The following SPATA16 variants were observed in gnomAD, a reference collection of about 807,000 sequenced individuals.
The protein encoded by SPATA16 is spermatogenesis-associated protein 16.
Under a neutral mutation model 63.3 loss-of-function variants are expected in SPATA16, and 36 were observed. The observed-to-expected ratio is 0.57, with a 90% CI of 0.44 to 0.75. The LOEUF is 0.75. Ranked by LOEUF, SPATA16 falls within the 30% of genes least tolerant of loss-of-function variation. SPATA16 has a pLI of 0.00. For missense variants in SPATA16, 646 were observed against 679.3 expected (o/e 0.95, Z 0.54); for synonymous variants, 203 against 216.7 (o/e 0.94, Z 0.56).
intron 1 of SPATA16, among the ~76,000 whole-genome samples, chr3:173,126,770 C>T (rs1264685321): frequency 6.6e-6 from 1 of 152,146 alleles, no homozygotes; most frequent in Non-Finnish European, 1.5e-5. Flanking sequence ...CATAATAAAT[C>T]AGTGCTTTTA....
intron 2 of SPATA16, among the ~76,000 whole-genome samples, chr3:173,072,057 T>C (rs1240531846): frequency 2.0e-5 from 3 of 152,196 alleles, no homozygotes; most frequent in East Asian, 3.9e-4. Context: ...GCAATCCCAT[T>C]ACTGGATATG....
intron 2 of SPATA16, among the ~76,000 whole-genome samples, chr3:173,058,773 T>C (rs1736309818): frequency 6.6e-6 from 1 of 152,016 alleles, no homozygotes; most frequent in Non-Finnish European, 1.5e-5. Flanking sequence ...ATATAATTAA[T>C]TTTAAAAAAT....
At chr3:173,102,516 G>T (rs1443364909) in intron 2 of SPATA16, among the ~76,000 whole-genome samples, 1 of 152,124 alleles carries the variant, frequency 6.6e-6, no homozygotes, top group East Asian at 1.9e-4. Flanking sequence ...CAGAGCAGTT[G>T]GTGGGGGAAA....
chr3:173,121,812 A>G (rs1441197417), intron 1 of SPATA16, among the ~76,000 whole-genome samples: 1 of 152,120 alleles, frequency 6.6e-6, no homozygotes, highest in Non-Finnish European at 1.5e-5. Flanking sequence ...TTCTGGATTT[A>G]TTTTTTGTTT....
chr3:172,993,730 A>G (rs1734634497), intron 4 of SPATA16, among the ~76,000 whole-genome samples: 1 of 152,098 alleles, frequency 6.6e-6, no homozygotes, highest in Non-Finnish European at 1.5e-5. Flanking sequence ...TTCTAAGGGT[A>G]TTTCTGACAT....
intron 2 of SPATA16, among the ~76,000 whole-genome samples, chr3:173,104,949 A>G (rs929192204): frequency 1.3e-5 from 2 of 152,156 alleles, no homozygotes; most frequent in East Asian, 1.9e-4. Flanking sequence ...AAGGAATTCT[A>G]TGAGTCATGC....
chr3:173,065,795 A>G (rs984764103), intron 2 of SPATA16, among the ~76,000 whole-genome samples: 2 of 152,182 alleles, frequency 1.3e-5, no homozygotes, highest in Non-Finnish European at 2.9e-5. Context: ...GGAGTATTAG[A>G]TCAGCCCTGG....
chr3:173,089,616 T>C (rs1338134708), intron 2 of SPATA16, among the ~76,000 whole-genome samples: 1 of 152,012 alleles, frequency 6.6e-6, no homozygotes, highest in Admixed American at 6.6e-5. Flanking sequence ...CCTGAAGACA[T>C]GGTGGTGGTG....
intron 1 of SPATA16, among the ~76,000 whole-genome samples, chr3:173,118,561 T>G (rs1198849278): frequency 6.6e-6 from 1 of 152,232 alleles, no homozygotes; most frequent in Admixed American, 6.5e-5. Flanking sequence ...ATAATAATTA[T>G]TTAGTATGGT....
intron 6 of SPATA16, among the ~76,000 whole-genome samples, chr3:172,935,973 A>G (rs1732982836): frequency 6.6e-6 from 1 of 152,214 alleles, no homozygotes; most frequent in South Asian, 2.1e-4. Context: ...ATTCTCACAG[A>G]TCAAGCCCCA....
At chr3:173,107,636 T>C (rs1737651980) in intron 2 of SPATA16, among the ~76,000 whole-genome samples, 1 of 152,160 alleles carries the variant, frequency 6.6e-6, no homozygotes, top group African/African-American at 2.4e-5. Flanking sequence ...CTAGATAACC[T>C]GAATTGAAAA....
chr3:173,045,101 C>T (rs1340338015), intron 3 of SPATA16, among the ~76,000 whole-genome samples: 1 of 152,148 alleles, frequency 6.6e-6, no homozygotes, highest in South Asian at 2.1e-4. Context: ...ATGCATGGCT[C>T]AGACCTTGGC....
intron 10 of SPATA16, among the ~76,000 whole-genome samples, chr3:172,905,224 A>G (rs752344312): frequency 6.6e-6 from 1 of 152,178 alleles, no homozygotes; most frequent in African/African-American, 2.4e-5. Flanking sequence ...TCAAATTGCA[A>G]TAAATCTGCA....
In SPATA16 at chr3:172,909,217, C is replaced by T. The variant is rs1324905906; in HGVS notation, c.1587+4444G>A. On this transcript the variant is annotated intron_variant, in intron 10 of 10. Coordinates refer to ENST00000351008, the MANE Select transcript of SPATA16 (RefSeq NM_031955.6). ...ATGATTTCTAGCCTGGGACACACAA[C>T]CACAGTCCTGCTACTCTACATTGTT... Among the ~76,000 whole-genome samples the T allele has an allele frequency of 3.3e-5, 5 of 152,300 alleles. No homozygotes were observed. The South Asian group carries it at 8.3e-4, about 25-fold the overall frequency.
At chr3:172,952,027 T>C (rs1733445563) in intron 6 of SPATA16, among the ~76,000 whole-genome samples, 1 of 152,206 alleles carries the variant, frequency 6.6e-6, no homozygotes, top group Admixed American at 6.5e-5. Flanking sequence ...TTCATAATTG[T>C]ATTTTATCTC....
At chr3:172,977,359 A>G (rs933556750) in intron 4 of SPATA16, among the ~76,000 whole-genome samples, 9 of 152,164 alleles carry the variant, frequency 5.9e-5, no homozygotes, top group African/African-American at 2.2e-4. Context: ...TGGTTGGCCT[A>G]TATTAAGCTT....
At chr3:173,114,798 T>A (rs1737851635) in intron 2 of SPATA16, among the ~76,000 whole-genome samples, 1 of 152,230 alleles carries the variant, frequency 6.6e-6, no homozygotes. Flanking sequence ...AAATGATATG[T>A]GAGAGCACTC....
chr3:173,127,386 C>A (rs566231268), intron 1 of SPATA16, among the ~76,000 whole-genome samples: 1 of 152,292 alleles, frequency 6.6e-6, no homozygotes, highest in South Asian at 2.1e-4. Flanking sequence ...ATACTATTGT[C>A]TAATCTACAG....
At chr3:173,080,534 G>A (rs907689137) in intron 2 of SPATA16, among the ~76,000 whole-genome samples, 27 of 152,252 alleles carry the variant, frequency 1.8e-4, no homozygotes, top group African/African-American at 6.5e-4. Flanking sequence ...TGAGGATGAC[G>A]GGAAAGTGAG....
Sources: gnomAD v4.1 joint callset for allele counts (sites outside exome capture counted in the v4.1 genomes callset) on GRCh38, gnomAD v4.1.1 for gene constraint, MANE v1.5 for transcripts, NCBI Gene and HGNC (gene_info 2026-07-23, HGNC 2026-07-21) for gene names.